Variants in TXNRD3 observed in about 807,000 individuals in gnomAD.
TXNRD3 encodes the protein thioredoxin reductase 3, also known as TXNRD3 neighbor gene protein.
Under a neutral mutation model 78.2 loss-of-function variants are expected in TXNRD3, and 68 were observed. The observed-to-expected ratio is 0.87, with a 90% confidence interval of 0.72 to 1.06. The LOEUF is 1.06. TXNRD3 is among the 50% of genes least tolerant of loss of function. The pLI is 0.00. For missense variants in TXNRD3, 751 were observed against 809.5 expected (o/e 0.93, Z 0.88); for synonymous variants, 296 against 300.1 (o/e 0.99, Z 0.14).
intron 7 of TXNRD3, among the ~76,000 whole-genome samples, chr3:126,633,474 A>C (rs1273470798): frequency 6.6e-6 from 1 of 152,186 alleles, no homozygotes; most frequent in Non-Finnish European, 1.5e-5. Context: ...ATAATATATA[A>C]ATATTACAAA....
intron 15 of TXNRD3, 112 bp downstream of exon 15, chr3:126,608,387 T>C: frequency 8.5e-7 from 1 of 1,175,316 alleles, no homozygotes; most frequent in Non-Finnish European, 1.1e-6. Context: ...ATAAAATAAA[T>C]TTAAAAATAT....
At chr3:126,632,624 C>A (rs1938747396) in intron 7 of TXNRD3, among the ~76,000 whole-genome samples, 1 of 144,854 alleles carries the variant, frequency 6.9e-6, no homozygotes. Flanking sequence ...CACGCCACTG[C>A]ACTCCATCCT....
rs182083260 is a variant in TXNRD3, at chr3:126,652,099, C to T, written c.243+2649G>A. Among the ~76,000 whole-genome samples the T allele has an allele frequency of 3.1e-3, 473 of 152,198 alleles. 4 individuals carry two copies. The highest frequency in any genetic ancestry group is 0.011 in the African/African-American group (447 of 41,526). ...AAAGAAAAGAGGTTTAATTGGCTCA[C>T]GGTTCTGTAGACTCTACAGGAAGCA... On this transcript the variant is annotated intron_variant, in intron 1 of 15. Transcript: ENST00000524230.
intron 5 of TXNRD3, among the ~76,000 whole-genome samples, chr3:126,643,660 T>C (rs1933147861): frequency 6.6e-6 from 1 of 152,224 alleles, no homozygotes; most frequent in South Asian, 2.1e-4. Flanking sequence ...ATGTTTATAT[T>C]ATCTTTCCAA....
At chr3:126,648,468 A>C (rs991761821) in intron 1 of TXNRD3, among the ~76,000 whole-genome samples, 1 of 152,230 alleles carries the variant, frequency 6.6e-6, no homozygotes, top group African/African-American at 2.4e-5. Context: ...ACAGTAATCA[A>C]AACAGTGCCG....
chr3:126,647,386 A>C, intron 1 of TXNRD3, 90 bp from the exon 2 acceptor site: 1 of 973,548 alleles, frequency 1.0e-6, no homozygotes, highest in Non-Finnish European at 1.5e-6. Flanking sequence ...TCAACAATAA[A>C]TGTTCTGGAG....
At chr3:126,622,074 C>A (rs1024626936) in intron 11 of TXNRD3, among the ~76,000 whole-genome samples, 176 bp from the exon 12 acceptor site, 6 of 152,116 alleles carry the variant, frequency 3.9e-5, no homozygotes, top group Non-Finnish European at 5.9e-5. Flanking sequence ...TTCTGTAGCT[C>A]CAAAAGAAAA....
At chr3:126,612,388 T>C (rs974877013) in intron 13 of TXNRD3, among the ~76,000 whole-genome samples, 31 of 152,262 alleles carry the variant, frequency 2.0e-4, no homozygotes, top group African/African-American at 6.7e-4. Context: ...CTACTAGAAA[T>C]AGACATATTT....
chr3:126,642,604 A>T (rs1370742257), intron 5 of TXNRD3, among the ~76,000 whole-genome samples: 1 of 152,230 alleles, frequency 6.6e-6, no homozygotes, highest in Non-Finnish European at 1.5e-5. Context: ...GCCCCTTTGC[A>T]GGGCAGGTCT....
At chr3:126,637,897 A>G (rs1307482256) in intron 6 of TXNRD3, among the ~76,000 whole-genome samples, 1 of 141,692 alleles carries the variant, frequency 7.1e-6, no homozygotes, top group Non-Finnish European at 1.5e-5. Flanking sequence ...AATTATCTAT[A>G]CATTATAAAC....
At chr3:126,613,077 T>C (rs1938234590) in intron 13 of TXNRD3, among the ~76,000 whole-genome samples, 1 of 152,220 alleles carries the variant, frequency 6.6e-6, no homozygotes, top group Admixed American at 6.5e-5. Flanking sequence ...TGAAGTTTTT[T>C]ATCAACTTAT....
intron 6 of TXNRD3, among the ~76,000 whole-genome samples, chr3:126,637,430 T>C (rs1228177172): frequency 6.6e-6 from 1 of 152,150 alleles, no homozygotes; most frequent in Non-Finnish European, 1.5e-5. Flanking sequence ...CATTAATTTC[T>C]GAGTTTTTCT....
At chr3:126,648,761 A>T (rs765970005) in intron 1 of TXNRD3, among the ~76,000 whole-genome samples, 1 of 152,244 alleles carries the variant, frequency 6.6e-6, no homozygotes, top group Non-Finnish European at 1.5e-5. Context: ...AATATACGGC[A>T]AAAGTGTCAC....
chr3:126,610,512 A>G (rs1004521757), intron 14 of TXNRD3, among the ~76,000 whole-genome samples: 1 of 152,240 alleles, frequency 6.6e-6, no homozygotes, highest in Non-Finnish European at 1.5e-5. Context: ...TAGTGAAAGC[A>G]TCAGGAATTA....
At chr3:126,626,678 T>C (rs544260862) in intron 10 of TXNRD3, among the ~76,000 whole-genome samples, 3 of 152,316 alleles carry the variant, frequency 2.0e-5, no homozygotes, top group East Asian at 1.9e-4. Context: ...CCTTCACATA[T>C]AGCTGATGGA....
intron 10 of TXNRD3, among the ~76,000 whole-genome samples, chr3:126,624,251 T>C (rs1938525231): frequency 6.6e-6 from 1 of 152,166 alleles, no homozygotes; most frequent in South Asian, 2.1e-4. Flanking sequence ...AAAAGCTGTT[T>C]TTAAAAGTTA....
Position 126,607,945 on chromosome 3 carries a change from G to T in TXNRD3, c.1892C>A (p.Ser631Ter), listed in dbSNP as rs1200944501. The T allele has an allele frequency of 6.6e-7, 1 of 1,505,512 alleles. No individual in the cohort carries two copies. 93.3% of individuals were successfully genotyped at this position (1,505,512 alleles called of 1,614,324 possible). Residue 631 changes from serine (S) to a stop codon, truncating the protein, a stop_gained, in exon 16 of 16, where the codon TCG becomes TAG. Transcript: ENST00000524230. LOFTEE classifies it high-confidence loss of function. Reference sequence around the variant, plus strand: ...TTTCTGAGTGATGTCTAGTCCTGACGACTTTGTGATTTCCAAAGTCGTGAA... The same window carrying T: ...TTTCTGAGTGATGTCTAGTCCTGACTACTTTGTGATTTCCAAAGTCGTGAA...
At chr3:126,641,895 G>T in intron 6 of TXNRD3, 137 bp downstream of exon 6, 3 of 1,110,832 alleles carry the variant, frequency 2.7e-6, no homozygotes, top group Non-Finnish European at 3.7e-6. Flanking sequence ...TCTGTGCCTG[G>T]CTGACACAGT....
chr3:126,654,447 C>G (rs1933461086), intron 1 of TXNRD3, among the ~76,000 whole-genome samples: 1 of 152,234 alleles, frequency 6.6e-6, no homozygotes, highest in African/African-American at 2.4e-5. Context: ...GTGCATGAAG[C>G]TGAAATTACC....
Sources: allele counts gnomAD v4.1 joint callset (sites outside exome capture counted in the v4.1 genomes callset), GRCh38; gene constraint gnomAD v4.1.1; transcripts MANE v1.5; gene names NCBI Gene and HGNC (gene_info 2026-07-23, HGNC 2026-07-21).